PAXBP1: variants seen among roughly 807,000 people sequenced by gnomAD.
The protein encoded by PAXBP1 is PAX3 and PAX7 binding protein 1.
PAXBP1 carries 44 observed loss-of-function variants against 119.9 expected under a neutral mutation model. The ratio of observed to expected loss-of-function variants is 0.37; its 90% CI spans 0.29 to 0.47. The LOEUF (loss-of-function observed/expected upper bound fraction) is 0.47. PAXBP1 is among the 20% of genes least tolerant of loss of function. PAXBP1 has a pLI of 0.99. For synonymous variants in PAXBP1, 393 were observed against 406.6 expected, an observed-to-expected ratio of 0.97 and a Z score of 0.40; for missense variants, 898 against 1,134.1, an observed-to-expected ratio of 0.79 and a Z score of 2.99.
chr21:32,740,573 C>T (rs1026832868), intron 15 of PAXBP1, among the ~76,000 whole-genome samples: 13 of 152,188 alleles, frequency 8.5e-5, no homozygotes, highest in African/African-American at 2.7e-4. Context: ...ATCCAGGCCT[C>T]ACACCCTATA....
intron 12 of PAXBP1, 80 bp from the exon 13 acceptor site, chr21:32,744,993 C>G (rs928042015): frequency 2.9e-6 from 4 of 1,382,986 alleles, no homozygotes; most frequent in Admixed American, 2.4e-5. Flanking sequence ...CTATTAATGC[C>G]AATCCTAATT....
intron 11 of PAXBP1, among the ~76,000 whole-genome samples, chr21:32,746,781 C>T (rs2043878475): frequency 1.3e-5 from 2 of 152,122 alleles, no homozygotes; most frequent in Admixed American, 6.5e-5. Flanking sequence ...AAGCTACATG[C>T]ATATGTATGT....
intron 7 of PAXBP1, 30 bp from the exon 8 acceptor site, chr21:32,755,383 C>G: frequency 1.3e-6 from 2 of 1,598,930 alleles, no homozygotes; most frequent in Non-Finnish European, 1.7e-6. Flanking sequence ...TCCGTAACAC[C>G]AAACTCCTCA....
In PAXBP1 at chr21:32,743,786, A is replaced by G. The variant is rs529422772; in HGVS notation, c.2191-32T>C. ...AGTTAAAAGTAGATCACACATTTTA[A>G]TAAGGACTATGACAAGAAAAATAAG... On this transcript the variant is annotated intron_variant, in intron 13 of 17. Transcript: ENST00000331923. 2.9e-5 allele frequency: 35 copies of G among 1,204,194 alleles called. No homozygotes were observed. In the East Asian group the frequency reaches 5.8e-4, roughly 20 times the overall value. The allele number at this position is 1,204,194 out of a possible 1,614,324, so 74.6% of individuals were successfully genotyped here. A position where few individuals can be genotyped will look rare whatever the true frequency, so the allele number is the denominator to read the frequency against.
Position 32,751,068 on chromosome 21 carries a change from C to T in PAXBP1, c.1608-36G>A, listed in dbSNP as rs564750426. On this transcript the variant is annotated intron_variant, in intron 9 of 17. Transcript: ENST00000331923. ...AACATCAAGTTCCCAAACTAGATAA[C>T]AGAGACTCCTCCCTTCCCAAACAAG... 1.7e-5 allele frequency: 27 copies of T among 1,612,416 alleles called. No individual in the cohort carries two copies. The South Asian group carries it at 2.5e-4, about 15-fold the overall frequency.
intron 1 of PAXBP1, among the ~76,000 whole-genome samples, chr21:32,770,832 A>G (rs1253353186): frequency 3.3e-5 from 5 of 152,222 alleles, no homozygotes; most frequent in Non-Finnish European, 5.9e-5. Flanking sequence ...GACTGGCCCA[A>G]GGTCACTCAG....
rs1285817125 is a variant in PAXBP1 at position 32,734,152 on chromosome 21, T to A, written c.*798A>T. 1 of 152,624 alleles carries A rather than the reference T, an allele frequency of 6.6e-6. No homozygotes were observed. The highest frequency in any genetic ancestry group is 1.5e-5 in the Non-Finnish European group (1 of 68,042). The allele number at this position is 152,624 out of a possible 1,614,324, so 9.5% of individuals were successfully genotyped here. On this transcript the variant is annotated 3_prime_UTR_variant, in exon 18 of 18. Transcript: ENST00000331923. ...GCATATTTAACTCACATATGTGGGA[T>A]TTTAAATATGACAGACTACTAAAAT...
At chr21:32,762,404 T>G (rs2146515526) in intron 3 of PAXBP1, 87 bp from the exon 4 acceptor site, 1 of 1,482,120 alleles carries the variant, frequency 6.7e-7, no homozygotes, top group East Asian at 2.5e-5. Context: ...TAATCCAAGA[T>G]AGCCTCATCA....
At chr21:32,761,828 A>G (rs1389785041) in intron 4 of PAXBP1, among the ~76,000 whole-genome samples, 1 of 152,162 alleles carries the variant, frequency 6.6e-6, no homozygotes, top group Non-Finnish European at 1.5e-5. Flanking sequence ...CTTGAAGCCA[A>G]GAGTTAAGAC....
chr21:32,745,730 T>C lies in PAXBP1; in HGVS notation c.1924-12A>G. 1 of 1,613,556 alleles carries C rather than the reference T, an allele frequency of 6.2e-7. No homozygotes were observed. ...TCACGACATTTTGCCTAAAAGACAT[T>C]TAAAAGGTTACCCAAATACTAAAAT... is the stretch of plus-strand genomic sequence containing the variant. On this transcript the variant is annotated splice_polypyrimidine_tract_variant and intron_variant, in intron 11 of 17. Coordinates refer to ENST00000331923, the MANE Select transcript of PAXBP1 (RefSeq NM_016631.4).
chr21:32,752,615 CTAAT>C (rs1434142209), intron 8 of PAXBP1, among the ~76,000 whole-genome samples: 1 of 152,136 alleles, frequency 6.6e-6, no homozygotes, highest in Non-Finnish European at 1.5e-5. Context: ...TCAGAATATC[CTAAT>C]TATCAGACCT....
intron 8 of PAXBP1, among the ~76,000 whole-genome samples, chr21:32,753,303 T>A (rs903955064): frequency 6.7e-6 from 1 of 149,648 alleles, no homozygotes; most frequent in African/African-American, 2.5e-5. Context: ...CTAAAAAAAA[T>A]ACAAAAATCA....
chr21:32,769,590 C>G (rs1188471119), intron 2 of PAXBP1, among the ~76,000 whole-genome samples: 14 of 152,196 alleles, frequency 9.2e-5, no homozygotes, highest in Non-Finnish European at 1.5e-5. Context: ...AGAATCTAGT[C>G]ATTGCAGCAG....
intron 3 of PAXBP1, among the ~76,000 whole-genome samples, chr21:32,764,144 A>G (rs1038001471): frequency 6.6e-6 from 1 of 152,176 alleles, no homozygotes; most frequent in Non-Finnish European, 1.5e-5. Flanking sequence ...AAATACAATT[A>G]CCTGTCTGTG....
At chr21:32,769,529 C>T (rs186396355) in intron 2 of PAXBP1, among the ~76,000 whole-genome samples, 139 of 152,258 alleles carry the variant, frequency 9.1e-4, no homozygotes, top group Non-Finnish European at 1.8e-3. Flanking sequence ...AAATGAGAAA[C>T]CTTCTTTCTC....
Position 32,750,992 on chromosome 21 carries a change from C to G in PAXBP1, c.1648G>C (p.Ala550Pro), listed in dbSNP as rs1206722997. The G allele has an allele frequency of 1.9e-6, 3 of 1,613,978 alleles. No individual in the cohort carries two copies. The highest frequency in any genetic ancestry group is 2.5e-6 in the Non-Finnish European group (3 of 1,180,006). ...CTGGAAAGGCCTTCAAGGTGATCTG[C>G]CATCTTACCGGTTTGTTCTCTGGCT... ...RQAREQTGKM[A>P]DHLEGLSSDD... Residue 550 changes from alanine (A) to proline (P), a missense_variant, in exon 10 of 18, where the codon GCA becomes CCA. By Grantham distance (27) the Ala-to-Pro change is conservative. Around this residue, in one of 2 missense-constraint regions of PAXBP1, gnomAD observed 599 missense variants for 852.7 expected, o/e 0.70. Transcript: ENST00000331923.
intron 12 of PAXBP1, 101 bp downstream of exon 12, chr21:32,745,473 T>C (rs775683194): frequency 3.2e-5 from 48 of 1,493,546 alleles, no homozygotes; most frequent in Non-Finnish European, 4.0e-5. Context: ...ATTTCTCATG[T>C]AATTTCTATA....
At chr21:32,756,321 TG>T (rs2044041949) in intron 7 of PAXBP1, 1 of 532,590 alleles carries the variant, frequency 1.9e-6, no homozygotes, top group Middle Eastern at 3.2e-4. Context: ...ATTTAGAGTT[TG>T]GGAACACTGG....
Position 32,743,317 on chromosome 21 carries a change from A to G in PAXBP1, c.2268-3T>C. 1 of 1,534,462 alleles carries G rather than the reference A, an allele frequency of 6.5e-7. No homozygotes were observed. The highest frequency in any genetic ancestry group is 8.8e-7 in the Non-Finnish European group (1 of 1,140,728). The stretch of plus-strand genomic sequence containing the variant: ...CAGAATTTTTATTTTCTAAGACACT[A>G]AGTAAAAAAAAGAGAAACATATCAT... On this transcript the variant is annotated splice_region_variant and splice_polypyrimidine_tract_variant and intron_variant, in intron 14 of 17. Transcript: ENST00000331923.
Sources: gnomAD v4.1 joint callset for allele counts (sites outside exome capture counted in the v4.1 genomes callset) on GRCh38, gnomAD v4.1.1 for gene constraint, gnomAD v4.1.1 regional missense constraint, MANE v1.5 for transcripts, NCBI Gene and HGNC (gene_info 2026-07-23, HGNC 2026-07-21) for gene names.